Variants in CRY2 observed in about 807,000 individuals in gnomAD.
The protein encoded by CRY2 is cryptochrome-2.
In CRY2, 31 loss-of-function variants were observed where a neutral mutation model predicts 69.5. That is an observed-to-expected ratio of 0.45 (90% CI 0.34 to 0.60). The LOEUF (loss-of-function observed/expected upper bound fraction) is 0.60. CRY2 is among the 20% of genes least tolerant of loss of function. CRY2 has a pLI of 0.02. For synonymous variants in CRY2, 303 were observed against 312.2 expected, an observed-to-expected ratio of 0.97 and a Z score of 0.31; for missense variants, 606 against 797.8, an observed-to-expected ratio of 0.76 and a Z score of 2.90.
chr11:45,860,071 G>A (rs2086274856), intron 3 of CRY2, among the ~76,000 whole-genome samples: 1 of 152,176 alleles, frequency 6.6e-6, no homozygotes, highest in African/African-American at 2.4e-5. Context: ...TGGCCAAGAA[G>A]AGCCCCGGGA....
At position 45,870,088 on chromosome 11, in the gene CRY2, C is replaced by A; in HGVS notation, c.1230C>A (p.Ser410Arg). The part of the protein sequence containing the change: ...FDELLLDADF[S>R]VNAGSWMWLS... Reference sequence around the variant, plus strand: ...AGCTGCTCCTGGATGCAGATTTCAGCGTGAACGCAGGCAGCTGGATGTGGC... The same window carrying A: ...AGCTGCTCCTGGATGCAGATTTCAGAGTGAACGCAGGCAGCTGGATGTGGC... The change falls in exon 8 of 12, where the codon AGC becomes AGA. Residue 410 changes from serine (S) to arginine (R), a missense_variant. Ser to Arg is a moderately radical substitution (Grantham distance 110). Coordinates refer to ENST00000616080, the MANE Select transcript of CRY2 (RefSeq NM_021117.5). The A allele has an allele frequency of 6.2e-7, 1 of 1,611,068 alleles. No individual in the cohort carries two copies. The highest frequency in any genetic ancestry group is 8.5e-7 in the Non-Finnish European group (1 of 1,178,288).
At chr11:45,859,959 C>A (rs1178181199) in intron 3 of CRY2, among the ~76,000 whole-genome samples, 1 of 152,152 alleles carries the variant, frequency 6.6e-6, no homozygotes, top group African/African-American at 2.4e-5. Context: ...GAGAGGGAGG[C>A]ATAGCAGAGG....
At chr11:45,849,299 C>G (rs542896378) in intron 1 of CRY2, among the ~76,000 whole-genome samples, 1 of 152,298 alleles carries the variant, frequency 6.6e-6, no homozygotes, top group South Asian at 2.1e-4. Flanking sequence ...GAATGTGGCT[C>G]AGATGCCTGA....
chr11:45,854,218 G>A (rs945452599), intron 1 of CRY2, among the ~76,000 whole-genome samples: 6 of 152,236 alleles, frequency 3.9e-5, no homozygotes, highest in African/African-American at 1.4e-4. Flanking sequence ...AGGTGCCTCA[G>A]AGGTATCTGT....
chr11:45,847,191 C>A, upstream of CRY2: 7 of 1,549,512 alleles, frequency 4.5e-6, no homozygotes, highest in Non-Finnish European at 6.1e-6. Context: ...TGGCCTACTC[C>A]CGGCACTCCG....
At chr11:45,850,671 G>C (rs1320424862) in intron 1 of CRY2, among the ~76,000 whole-genome samples, 2 of 152,060 alleles carry the variant, frequency 1.3e-5, no homozygotes, top group African/African-American at 4.8e-5. Context: ...GGTTGTTTCT[G>C]GATTCCAAGA....
At position 45,881,060 on chromosome 11, in the gene CRY2, G is replaced by A. The variant is rs1032890450; in HGVS notation, c.*149G>A. ...GCGCGTGTGCAGAGGAGGGAGTGGT[G>A]TGCCTGTTTGTGTGTGCATGCATCT... is the stretch of plus-strand genomic sequence containing the variant. On this transcript the variant is annotated 3_prime_UTR_variant, in exon 12 of 12. Coordinates refer to ENST00000616080, the MANE Select transcript of CRY2 (RefSeq NM_021117.5). The A allele has an allele frequency of 5.9e-5, 9 of 152,540 alleles. No individual in the cohort carries two copies. Among genetic ancestry groups the A allele is most frequent in the African/African-American group, 1.7e-4 (7 of 41,464 alleles). 9.4% of individuals were successfully genotyped at this position (152,540 alleles called of 1,614,324 possible).
chr11:45,860,648 T>A (rs1036737335), intron 3 of CRY2, among the ~76,000 whole-genome samples, 200 bp from the exon 4 acceptor site: 6 of 152,110 alleles, frequency 3.9e-5, no homozygotes, highest in Non-Finnish European at 7.4e-5. Context: ...CTGCTTCAGC[T>A]CTCTGGGCTT....
At chr11:45,871,019 C>G in intron 10 of CRY2, 85 bp downstream of exon 10, 1 of 1,167,488 alleles carries the variant, frequency 8.6e-7, no homozygotes, top group South Asian at 1.3e-5. Flanking sequence ...AGAAGGAGGC[C>G]TTGCCCAGTG....
At chr11:45,867,569 A>T (rs1243447457) in intron 5 of CRY2, 43 bp from the exon 6 acceptor site, 1 of 1,610,320 alleles carries the variant, frequency 6.2e-7, no homozygotes, top group African/African-American at 1.3e-5. Context: ...TTCCTCTGTT[A>T]CATCCAAGCC....
At chr11:45,876,414 C>T (rs1165433814) in intron 11 of CRY2, among the ~76,000 whole-genome samples, 1 of 152,240 alleles carries the variant, frequency 6.6e-6, no homozygotes, top group Non-Finnish European at 1.5e-5. Context: ...TTACAGCATT[C>T]ACTAAACTGA....
intron 2 of CRY2, 56 bp downstream of exon 2, chr11:45,856,146 C>T: frequency 3.0e-6 from 4 of 1,349,420 alleles, no homozygotes; most frequent in Non-Finnish European, 4.2e-6. Context: ...ACGGTTTCCC[C>T]ACAGCCTGAG....
Position 45,870,443 on chromosome 11 carries a change from G to C in CRY2, c.1460G>C (p.Arg487Pro). The C allele has an allele frequency of 1.9e-6, 3 of 1,614,180 alleles. No homozygotes were observed. The highest frequency in any genetic ancestry group is 2.5e-6 in the Non-Finnish European group (3 of 1,180,038). Residue 487 changes from arginine to proline, a missense_variant, in exon 9 of 12, where the codon CGG becomes CCG. Arg to Pro is a moderately radical substitution (Grantham distance 103). Coordinates refer to ENST00000616080, the MANE Select transcript of CRY2 (RefSeq NM_021117.5). ...AKCIIGVDYPRPIVNHAETSR... is the reference protein window; with the variant it reads ...AKCIIGVDYPPPIVNHAETSR... ...TGCATCATTGGTGTGGACTACCCAC[G>C]GCCCATCGTCAACCATGCCGAGACC...
chr11:45,879,517 A>G (rs2086451839), intron 11 of CRY2, among the ~76,000 whole-genome samples: 1 of 152,262 alleles, frequency 6.6e-6, no homozygotes, highest in Admixed American at 6.5e-5. Flanking sequence ...CTTCTTCTCT[A>G]AAAGTCTTAA....
chr11:45,864,938 TTAG>T (rs1028374449), intron 5 of CRY2, among the ~76,000 whole-genome samples: 4 of 152,150 alleles, frequency 2.6e-5, no homozygotes, highest in Non-Finnish European at 5.9e-5. Flanking sequence ...TGTTGTCCTT[TTAG>T]TAGAGACAGG....
At chr11:45,852,411 T>G (rs1031307481) in intron 1 of CRY2, among the ~76,000 whole-genome samples, 7 of 152,220 alleles carry the variant, frequency 4.6e-5, no homozygotes, top group African/African-American at 4.8e-5. Flanking sequence ...TGCATATACC[T>G]GCCCACTGAG....
intron 4 of CRY2, 197 bp downstream of exon 4, chr11:45,861,229 T>C: frequency 1.7e-6 from 1 of 602,164 alleles, no homozygotes; most frequent in South Asian, 2.1e-5. Flanking sequence ...GTATTTGTTC[T>C]GTTCATACTC....
At chr11:45,878,080 A>G (rs193282339) in intron 11 of CRY2, among the ~76,000 whole-genome samples, 1 of 151,932 alleles carries the variant, frequency 6.6e-6, no homozygotes, top group Admixed American at 6.6e-5. Context: ...ACTGTACCTC[A>G]CCCTCTTATC....
chr11:45,855,365 A>G (rs1475709161), intron 1 of CRY2, among the ~76,000 whole-genome samples: 1 of 152,208 alleles, frequency 6.6e-6, no homozygotes, highest in Non-Finnish European at 1.5e-5. Context: ...GCATGCATGC[A>G]GAAAGTCAAG....
Sources: allele counts gnomAD v4.1 joint callset (sites outside exome capture counted in the v4.1 genomes callset), GRCh38; gene constraint gnomAD v4.1.1; transcripts MANE v1.5; gene names NCBI Gene and HGNC (gene_info 2026-07-23, HGNC 2026-07-21).